Variants in RALGPS2 observed in about 807,000 individuals in gnomAD.
RALGPS2 encodes the protein Ral GEF with PH domain and SH3 binding motif 2.
Under a neutral mutation model 86.8 loss-of-function variants are expected in RALGPS2, and 43 were observed. The ratio of observed to expected loss-of-function variants is 0.50; its 90% CI spans 0.39 to 0.64. RALGPS2 has a LOEUF of 0.64. Among genes scored for constraint, RALGPS2 ranks in the 30% least tolerant of loss-of-function variants. RALGPS2 has a pLI of 0.00. For synonymous variants in RALGPS2, 243 were observed against 231.3 expected, an observed-to-expected ratio of 1.05 and a Z score of -0.46; for missense variants, 536 against 694.6, an observed-to-expected ratio of 0.77 and a Z score of 2.57.
chr1:178,909,034 T>C (rs1660500074), intron 19 of RALGPS2, among the ~76,000 whole-genome samples: 1 of 152,178 alleles, frequency 6.6e-6, no homozygotes, highest in African/African-American at 2.4e-5. Flanking sequence ...TTTATAGTTT[T>C]AGGTTTTGCA....
At chr1:178,804,442 A>C (rs1265290836) in intron 4 of RALGPS2, among the ~76,000 whole-genome samples, 24 of 106,838 alleles carry the variant, frequency 2.2e-4, no homozygotes, top group Middle Eastern at 4.5e-3. Context: ...CCCACCCCAC[A>C]ACAGTCCCCA....
chr1:178,765,641 G>A (rs554833617), intron 1 of RALGPS2, among the ~76,000 whole-genome samples: 71 of 152,124 alleles, frequency 4.7e-4, no homozygotes, highest in Non-Finnish European at 9.6e-4. Flanking sequence ...TTTATTAGGC[G>A]GGAATTTCCT....
intron 1 of RALGPS2, among the ~76,000 whole-genome samples, chr1:178,752,041 A>G (rs1028834616): frequency 6.6e-6 from 1 of 152,098 alleles, no homozygotes; most frequent in African/African-American, 2.4e-5. Context: ...GCATATGACA[A>G]TTTGTAATTT....
intron 7 of RALGPS2, among the ~76,000 whole-genome samples, chr1:178,822,275 G>A (rs1161993005): frequency 6.6e-6 from 1 of 151,974 alleles, no homozygotes; most frequent in Non-Finnish European, 1.5e-5. Flanking sequence ...CTGCAAATTT[G>A]TGTATTTTCA....
intron 16 of RALGPS2, among the ~76,000 whole-genome samples, chr1:178,896,166 C>T (rs1659929421): frequency 6.6e-6 from 1 of 151,972 alleles, no homozygotes; most frequent in South Asian, 2.1e-4. Context: ...AGGATAGAGG[C>T]TTTGCTAAAA....
intron 12 of RALGPS2, chr1:178,885,431 G>C: frequency 2.0e-6 from 1 of 490,662 alleles, no homozygotes. Context: ...ATTTATATTT[G>C]GGGACGATAA....
Position 178,769,099 on chromosome 1 carries a change from A to G in RALGPS2, c.-83-7583A>G, listed in dbSNP as rs140767296. 2.0e-4 allele frequency among the ~76,000 whole-genome samples: 31 copies of G among 151,786 alleles called. 1 individual carries two copies. The East Asian group carries it at 5.7e-3, about 28-fold the overall frequency. ...CTGCACAGGAAAGGTGGGGCTGTTC[A>G]GGCTACCAATCCCAGCAAATGAGTG... On this transcript the variant is annotated intron_variant, in intron 1 of 19. Coordinates refer to ENST00000367635, the MANE Select transcript of RALGPS2 (RefSeq NM_152663.5).
intron 7 of RALGPS2, 119 bp downstream of exon 7, chr1:178,821,823 A>G: frequency 1.2e-6 from 1 of 836,154 alleles, no homozygotes. Context: ...GGATTTTTAA[A>G]TTGCTTTGTA....
intron 8 of RALGPS2, among the ~76,000 whole-genome samples, chr1:178,843,795 A>T (rs1267695690): frequency 6.6e-6 from 1 of 152,166 alleles, no homozygotes; most frequent in African/African-American, 2.4e-5. Context: ...GTGAAGAAGC[A>T]TCTTGATTGT....
At chr1:178,806,432 T>A (rs1265298197) in intron 4 of RALGPS2, among the ~76,000 whole-genome samples, 2 of 152,196 alleles carry the variant, frequency 1.3e-5, no homozygotes, top group Non-Finnish European at 2.9e-5. Flanking sequence ...TGTTTTTGAA[T>A]CTCTGATCAG....
chr1:178,890,247 A>G (rs965734202), intron 14 of RALGPS2, among the ~76,000 whole-genome samples: 1 of 151,930 alleles, frequency 6.6e-6, no homozygotes, highest in Non-Finnish European at 1.5e-5. Context: ...TAAATCTGTC[A>G]TCTGCCTGTA....
chr1:178,847,787 G>A (rs1311614454), intron 8 of RALGPS2, among the ~76,000 whole-genome samples: 1 of 152,190 alleles, frequency 6.6e-6, no homozygotes, highest in Non-Finnish European at 1.5e-5. Flanking sequence ...TCATGACTCA[G>A]AGTTAAGTAA....
chr1:178,796,343 T>C (rs1378664551), intron 4 of RALGPS2, among the ~76,000 whole-genome samples: 1 of 152,202 alleles, frequency 6.6e-6, no homozygotes, highest in African/African-American at 2.4e-5. Context: ...GGTTAAGATA[T>C]AGGAATAGTA....
At chr1:178,886,897 G>T (rs1659512602) in intron 13 of RALGPS2, among the ~76,000 whole-genome samples, 1 of 152,162 alleles carries the variant, frequency 6.6e-6, no homozygotes, top group Non-Finnish European at 1.5e-5. Context: ...ATGGGGAATT[G>T]ACTGGGGGAT....
rs974077650 is a variant in RALGPS2 at position 178,752,412 on chromosome 1, C to T, written c.-83-24270C>T. 2.6e-5 allele frequency among the ~76,000 whole-genome samples: 4 copies of T among 151,912 alleles called. 1 individual carries two copies. Among genetic ancestry groups the T allele is most frequent in the South Asian group, 2.1e-4 (1 of 4,814 alleles). On this transcript the variant is annotated intron_variant, in intron 1 of 19. Coordinates refer to ENST00000367635, the MANE Select transcript of RALGPS2 (RefSeq NM_152663.5). ...CTCCTGGGCTCAAGTGGCCCTCTCA[C>T]TTCCCTCTCCCAAAGTGGTGAGATA...
rs764504351 is a variant in RALGPS2, at chr1:178,902,192, G to T, written c.1611G>T (p.Leu537=). ...ACCCTGAACATCCTGATCTCTTCCT[G>T]CTGACTGACTCTGAGAAAGGTGAAT... is the stretch of plus-strand genomic sequence containing the variant. ...ADDPEHPDLF[L]LTDSEKGNSY... Residue 537 remains leucine, a synonymous_variant, in exon 18 of 20, where the codon CTG becomes CTT. Coordinates refer to ENST00000367635, the MANE Select transcript of RALGPS2 (RefSeq NM_152663.5). 34 of 1,612,360 alleles carry T rather than the reference G, an allele frequency of 2.1e-5. No individual in the cohort carries two copies. The highest frequency in any genetic ancestry group is 2.8e-5 in the Non-Finnish European group (33 of 1,178,696).
rs1656122120 is a variant in RALGPS2, at chr1:178,833,427, T to C, written c.484T>C (p.Leu162=). 3 of 1,506,672 alleles carry C rather than the reference T, an allele frequency of 2.0e-6. No homozygotes were observed. The highest frequency in any genetic ancestry group is 1.4e-5 in the South Asian group (1 of 73,100). The allele number at this position is 1,506,672 out of a possible 1,614,324, so 93.3% of individuals were successfully genotyped here. ...GGTTTTTCTGTTTGTTTTTTAGTTA[T>C]TAAGTCGAAAAGACAAAACTACCTT... ...IFRLTKTWAL[L]SRKDKTTFEK... The change falls in exon 8 of 20, where the codon TTA becomes CTA. Residue 162 remains leucine (L), a synonymous_variant. Transcript: ENST00000367635.
intron 1 of RALGPS2, among the ~76,000 whole-genome samples, chr1:178,728,594 A>G (rs563923263): frequency 6.6e-6 from 1 of 152,268 alleles, no homozygotes; most frequent in East Asian, 1.9e-4. Flanking sequence ...GTTAATTTTC[A>G]ATGAAAGATA....
intron 7 of RALGPS2, among the ~76,000 whole-genome samples, chr1:178,831,928 C>T (rs965373505): frequency 1.3e-5 from 2 of 152,068 alleles, no homozygotes; most frequent in African/African-American, 2.4e-5. Context: ...TTTGTTATAA[C>T]AGTTCTGTGT....
Sources: allele counts gnomAD v4.1 joint callset (sites outside exome capture counted in the v4.1 genomes callset), GRCh38; gene constraint gnomAD v4.1.1; transcripts MANE v1.5; gene names NCBI Gene and HGNC (gene_info 2026-07-23, HGNC 2026-07-21).